Variants in VTI1A observed in about 807,000 individuals in gnomAD.
VTI1A encodes the protein vesicle transport through interaction with t-SNAREs homolog 1A.
VTI1A carries 22 observed loss-of-function variants against 34.9 expected under a neutral mutation model. That is an observed-to-expected ratio of 0.63 (90% CI 0.45 to 0.90). VTI1A has a LOEUF of 0.90. Among genes scored for constraint, VTI1A ranks in the 40% least tolerant of loss-of-function variants. VTI1A has a pLI of 0.00. For synonymous variants in VTI1A, 87 were observed against 97.3 expected, an observed-to-expected ratio of 0.89 and a Z score of 0.62; for missense variants, 268 against 275.6, an observed-to-expected ratio of 0.97 and a Z score of 0.20.
intron 3 of VTI1A, among the ~76,000 whole-genome samples, chr10:112,483,110 C>T (rs1848505451): frequency 6.6e-6 from 1 of 152,046 alleles, no homozygotes; most frequent in South Asian, 2.1e-4. Context: ...GTCTCGGGTG[C>T]CAGTTTGTTG....
At chr10:112,812,778 C>G (rs1164899795) in intron 7 of VTI1A, among the ~76,000 whole-genome samples, 1 of 152,136 alleles carries the variant, frequency 6.6e-6, no homozygotes, top group East Asian at 1.9e-4. Flanking sequence ...TGCTGACACC[C>G]CGCCCCCACC....
At chr10:112,630,256 C>G (rs971226367) in intron 5 of VTI1A, among the ~76,000 whole-genome samples, 1 of 152,184 alleles carries the variant, frequency 6.6e-6, no homozygotes, top group African/African-American at 2.4e-5. Flanking sequence ...CCTATGGAGT[C>G]ACAGAACAAA....
the VTI1A span, among the ~76,000 whole-genome samples, chr10:112,839,098 G>A: frequency 3.8e-4 from 58 of 152,322 alleles, no homozygotes; most frequent in African/African-American, 1.3e-3. Flanking sequence ...CACTGGTCAG[G>A]GATGGAGCTG....
At chr10:112,460,996 G>A (rs1847709081) in intron 2 of VTI1A, among the ~76,000 whole-genome samples, 1 of 152,066 alleles carries the variant, frequency 6.6e-6, no homozygotes. Flanking sequence ...ACTCTCAAGT[G>A]ACTCACTTGC....
intron 5 of VTI1A, among the ~76,000 whole-genome samples, chr10:112,572,063 C>CT (rs36008187): frequency 0.68 from 103,461 of 151,896 alleles, 35,675 homozygotes; most frequent in African/African-American, 0.77. Flanking sequence ...AGGATCATTG[C>CT]ACCTCAAACC....
chr10:112,850,532 G>A, the VTI1A span, among the ~76,000 whole-genome samples: 802 of 152,138 alleles, frequency 5.3e-3, 6 homozygotes, highest in African/African-American at 0.019. Context: ...CTACTGTGGA[G>A]GTCACTCCTT....
intron 5 of VTI1A, among the ~76,000 whole-genome samples, chr10:112,658,937 C>T (rs955268961): frequency 3.9e-5 from 6 of 152,194 alleles, no homozygotes; most frequent in East Asian, 3.9e-4. Flanking sequence ...TTGCTAGCCA[C>T]GTAAGTCCTG....
intron 1 of VTI1A, chr10:112,449,964 A>G (rs1338491127): frequency 1.3e-5 from 2 of 151,914 alleles, no homozygotes; most frequent in African/African-American, 2.4e-5. Flanking sequence ...TAATGGCGCA[A>G]TCTCAGCTCA....
intron 4 of VTI1A, among the ~76,000 whole-genome samples, chr10:112,536,648 C>T (rs12354968): frequency 0.32 from 47,687 of 151,096 alleles, 9,944 homozygotes; most frequent in Non-Finnish European, 0.46. Flanking sequence ...GTACATTGGA[C>T]GACTCTATTA....
chr10:112,487,871 T>C (rs1211186577), intron 3 of VTI1A, among the ~76,000 whole-genome samples: 2 of 152,194 alleles, frequency 1.3e-5, no homozygotes, highest in African/African-American at 4.8e-5. Context: ...ATACAAATAT[T>C]TTGGTAGTAG....
chr10:112,757,783 A>G (rs972703825), intron 7 of VTI1A, among the ~76,000 whole-genome samples: 4 of 152,248 alleles, frequency 2.6e-5, no homozygotes, highest in Non-Finnish European at 4.4e-5. Context: ...AATAAAAATC[A>G]TCTGTAATCT....
At chr10:112,712,467 A>G (rs1007300273) in intron 7 of VTI1A, among the ~76,000 whole-genome samples, 1 of 131,734 alleles carries the variant, frequency 7.6e-6, no homozygotes, top group Non-Finnish European at 1.6e-5. Context: ...AATGAGATCA[A>G]CTATTATCAC....
At chr10:112,673,039 A>G (rs1170763570) in intron 7 of VTI1A, among the ~76,000 whole-genome samples, 2 of 152,158 alleles carry the variant, frequency 1.3e-5, no homozygotes, top group African/African-American at 4.8e-5. Flanking sequence ...GGCATAAGCC[A>G]GGTGTGGTGG....
intron 7 of VTI1A, among the ~76,000 whole-genome samples, chr10:112,804,606 T>C (rs1023718043): frequency 2.6e-5 from 4 of 152,112 alleles, no homozygotes; most frequent in African/African-American, 9.7e-5. Context: ...AATACCAGAT[T>C]ATGGGCACAG....
chr10:112,450,147 C>T (rs1374171846), intron 1 of VTI1A: 2 of 152,252 alleles, frequency 1.3e-5, no homozygotes, highest in African/African-American at 2.4e-5. Flanking sequence ...CCACTTGGGC[C>T]TCCCAAAGTG....
chr10:112,735,258 C>T (rs990695353), intron 7 of VTI1A, among the ~76,000 whole-genome samples: 1 of 152,046 alleles, frequency 6.6e-6, no homozygotes, highest in African/African-American at 2.4e-5. Context: ...GTGATAGACT[C>T]GATTGAATTT....
the VTI1A span, among the ~76,000 whole-genome samples, chr10:112,830,847 ATATT>A: frequency 2.9e-4 from 9 of 30,988 alleles, no homozygotes; most frequent in East Asian, 9.3e-4. Flanking sequence ...ATATATATAT[ATATT>A]TTTTTTTTTT....
chr10:112,463,503 G>C (rs1411946852), intron 2 of VTI1A, among the ~76,000 whole-genome samples: 1 of 152,132 alleles, frequency 6.6e-6, no homozygotes, highest in African/African-American at 2.4e-5. Flanking sequence ...AAGTAGTAGA[G>C]CCTATGATGT....
intron 7 of VTI1A, among the ~76,000 whole-genome samples, chr10:112,670,392 A>G (rs1175831854): frequency 6.6e-6 from 1 of 152,180 alleles, no homozygotes; most frequent in African/African-American, 2.4e-5. Context: ...TTCAGCTGTC[A>G]TTTAATGGTA....
Sources: allele counts gnomAD v4.1 joint callset (sites outside exome capture counted in the v4.1 genomes callset), GRCh38; gene constraint gnomAD v4.1.1; transcripts MANE v1.5; gene names NCBI Gene and HGNC (gene_info 2026-07-23, HGNC 2026-07-21).